Variants in CSRNP3 observed in about 807,000 individuals in gnomAD.
CSRNP3 encodes cysteine and serine rich nuclear protein 3.
A neutral mutation model predicts 48.0 loss-of-function variants in CSRNP3; 12 were observed. That is an observed-to-expected ratio of 0.25 (90% CI 0.16 to 0.41). The LOEUF (loss-of-function observed/expected upper bound fraction) is 0.41. CSRNP3 is among the 10% of genes least tolerant of loss of function. The pLI is 1.00. For synonymous variants in CSRNP3, 263 were observed against 269.7 expected (o/e 0.98, Z 0.24); for missense variants, 580 against 724.4 (o/e 0.80, Z 2.29).
chr2:165,521,655 C>T (rs778473036), intron 3 of CSRNP3, among the ~76,000 whole-genome samples: 16 of 152,166 alleles, frequency 1.1e-4, no homozygotes, highest in Non-Finnish European at 2.1e-4. Context: ...ATTCTTCCAT[C>T]GTTCTGGCAA....
intron 4 of CSRNP3, among the ~76,000 whole-genome samples, chr2:165,645,975 A>C (rs1686805453): frequency 6.6e-6 from 1 of 151,892 alleles, no homozygotes; most frequent in Non-Finnish European, 1.5e-5. Context: ...GAACTCCTGA[A>C]CTCAAGTGAT....
At chr2:165,586,398 C>A (rs6749686) in intron 3 of CSRNP3, among the ~76,000 whole-genome samples, 1 of 152,024 alleles carries the variant, frequency 6.6e-6, no homozygotes, top group African/African-American at 2.4e-5. Context: ...ACCAAGAGAA[C>A]GAATGAAGGT....
At position 165,685,734 on chromosome 2, in the gene CSRNP3, T is replaced by C. The variant is rs2105371945; in HGVS notation, c.*5981T>C. ...GGCTTATAATTCAAGAAATGTCAAC[T>C]TCACTGTGTCACTTTATGTCATCTC... On this transcript the variant is annotated 3_prime_UTR_variant, in exon 7 of 7. Coordinates refer to ENST00000651982, the MANE Select transcript of CSRNP3 (RefSeq NM_001172173.2). 1 of 152,200 alleles carries C rather than the reference T, an allele frequency of 6.6e-6. No homozygotes were observed. The highest frequency in any genetic ancestry group is 6.6e-5 in the Admixed American group (1 of 15,252). The allele number at this position is 152,200 out of a possible 1,614,324, so 9.4% of individuals were successfully genotyped here.
intron 4 of CSRNP3, among the ~76,000 whole-genome samples, chr2:165,638,769 AT>A (rs1242920974): frequency 6.6e-6 from 1 of 152,172 alleles, no homozygotes; most frequent in African/African-American, 2.4e-5. Flanking sequence ...TTTGAATGTT[AT>A]TTTTTGTCAG....
rs74538827 is a variant in CSRNP3 at position 165,549,204 on chromosome 2, A to G, written c.-24+31243A>G. Reference sequence around the variant, plus strand: ...ATGATTTTATTTATAATCTGTGATAATAGAGACGACCGTGTTAGGGAATCT... The same window carrying G: ...ATGATTTTATTTATAATCTGTGATAGTAGAGACGACCGTGTTAGGGAATCT... On this transcript the variant is annotated intron_variant, in intron 3 of 6. Coordinates refer to ENST00000651982, the MANE Select transcript of CSRNP3 (RefSeq NM_001172173.2). 1.2e-3 allele frequency among the ~76,000 whole-genome samples: 175 copies of G among 152,158 alleles called. 2 individuals carry two copies. The East Asian group carries it at 0.022, about 19-fold the overall frequency.
At chr2:165,651,203 C>T (rs1396448121) in intron 4 of CSRNP3, among the ~76,000 whole-genome samples, 2 of 152,148 alleles carry the variant, frequency 1.3e-5, no homozygotes, top group Non-Finnish European at 2.9e-5. Flanking sequence ...GAATGATACA[C>T]TAATAATGTT....
chr2:165,477,498 A>ATATATATATAT (rs1394959197), intron 1 of CSRNP3, among the ~76,000 whole-genome samples: 6 of 112,020 alleles, frequency 5.4e-5, no homozygotes, highest in South Asian at 2.6e-4. Flanking sequence ...ATATATATAT[A>ATATATATATAT]ATACAAATAT....
Position 165,676,301 on chromosome 2 carries a change from T to C in CSRNP3, c.409-11T>C. On this transcript the variant is annotated splice_polypyrimidine_tract_variant and intron_variant, in intron 5 of 6. Transcript: ENST00000651982. ...TTAATGAGTCTCTTATTTGCTGCTT[T>C]GTGTTTTTAGATGACTAAGAATGGC... The C allele has an allele frequency of 6.2e-7, 1 of 1,609,428 alleles. No homozygotes were observed. The highest frequency in any genetic ancestry group is 8.5e-7 in the Non-Finnish European group (1 of 1,177,012).
At chr2:165,564,281 A>T (rs1319972291) in intron 3 of CSRNP3, among the ~76,000 whole-genome samples, 1 of 151,350 alleles carries the variant, frequency 6.6e-6, no homozygotes, top group Admixed American at 6.6e-5. Context: ...GCTTAAACAT[A>T]ACAGCAGTTG....
intron 3 of CSRNP3, among the ~76,000 whole-genome samples, chr2:165,535,307 T>C (rs1201653988): frequency 3.3e-5 from 5 of 151,580 alleles, no homozygotes; most frequent in African/African-American, 1.2e-4. Context: ...CTAAATACTT[T>C]AGCTTGTTCT....
At chr2:165,665,602 T>TA (rs1253568989) in intron 5 of CSRNP3, among the ~76,000 whole-genome samples, 1 of 151,972 alleles carries the variant, frequency 6.6e-6, no homozygotes, top group East Asian at 1.9e-4. Context: ...CTCTACAAAA[T>TA]AATTTAAAAT....
intron 2 of CSRNP3, among the ~76,000 whole-genome samples, chr2:165,500,415 A>G (rs1008383242): frequency 5.0e-5 from 6 of 119,992 alleles, no homozygotes; most frequent in African/African-American, 1.8e-4. Context: ...GTATACATAT[A>G]TATATACACA....
chr2:165,495,765 T>C (rs567051588), intron 2 of CSRNP3, among the ~76,000 whole-genome samples: 1 of 152,230 alleles, frequency 6.6e-6, no homozygotes, highest in African/African-American at 2.4e-5. Flanking sequence ...CCTTTTAACT[T>C]TGTATTCCAC....
At chr2:165,638,290 C>G (rs1056539015) in intron 4 of CSRNP3, among the ~76,000 whole-genome samples, 2 of 152,058 alleles carry the variant, frequency 1.3e-5, no homozygotes, top group African/African-American at 4.8e-5. Flanking sequence ...GGTGAAACCC[C>G]GTCCCTACTA....
chr2:165,672,736 C>T (rs1236535749), intron 5 of CSRNP3, among the ~76,000 whole-genome samples: 2 of 152,140 alleles, frequency 1.3e-5, no homozygotes, highest in African/African-American at 2.4e-5. Flanking sequence ...AATTAGGGAG[C>T]TCATTGACTT....
intron 4 of CSRNP3, among the ~76,000 whole-genome samples, chr2:165,605,263 T>C (rs553014037): frequency 4.1e-4 from 63 of 152,246 alleles, no homozygotes; most frequent in Non-Finnish European, 6.8e-4. Context: ...TCCAGCCACA[T>C]TGATCTTTAC....
Position 165,595,303 on chromosome 2 carries a change from A to G in CSRNP3, c.148+90A>G, listed in dbSNP as rs1048972926. ...TTTATTTTTACCTTTCATGCTAGCT[A>G]TATATATTTTCCCATCAACCAAATA... On this transcript the variant is annotated intron_variant, in intron 4 of 6. Transcript: ENST00000651982. 18 of 1,248,310 alleles carry G rather than the reference A, an allele frequency of 1.4e-5. No homozygotes were observed. In the African/African-American group the frequency reaches 2.2e-4, roughly 15 times the overall value. 77.3% of individuals were successfully genotyped at this position (1,248,310 alleles called of 1,614,324 possible).
At position 165,666,408 on chromosome 2, in the gene CSRNP3, G is replaced by A. The variant is rs548419866; in HGVS notation, c.408+8388G>A. On this transcript the variant is annotated intron_variant, in intron 5 of 6. Coordinates refer to ENST00000651982, the MANE Select transcript of CSRNP3 (RefSeq NM_001172173.2). ...GAGAGAGAGAAAGGAAGGAAGGGAG[G>A]AAAGAGAGAGAGGAAGAAAGAAAGA... 4.1e-4 allele frequency among the ~76,000 whole-genome samples: 35 copies of A among 85,562 alleles called. 3 individuals carry two copies. Among genetic ancestry groups the A allele is most frequent in the African/African-American group, 1.2e-3 (33 of 27,362 alleles). 56.1% of individuals were successfully genotyped at this position (85,562 alleles called of 152,430 possible).
rs80133665 is a variant in CSRNP3 at position 165,522,839 on chromosome 2, C to T, written c.-24+4878C>T. On this transcript the variant is annotated intron_variant, in intron 3 of 6. Coordinates refer to ENST00000651982, the MANE Select transcript of CSRNP3 (RefSeq NM_001172173.2). Reference sequence around the variant, plus strand: ...TCCACAGTACATGCAGCCATGAACCCGAGCTATAGTGAATCCTTTCTTGTA... The same window carrying T: ...TCCACAGTACATGCAGCCATGAACCTGAGCTATAGTGAATCCTTTCTTGTA... 8.1e-3 allele frequency among the ~76,000 whole-genome samples: 1,227 copies of T among 152,112 alleles called. 15 individuals are homozygous for T. The highest frequency in any genetic ancestry group is 0.025 in the Admixed American group (378 of 15,290).
Sources: allele counts gnomAD v4.1 joint callset (sites outside exome capture counted in the v4.1 genomes callset), GRCh38; gene constraint gnomAD v4.1.1; transcripts MANE v1.5; gene names NCBI Gene and HGNC (gene_info 2026-07-23, HGNC 2026-07-21).